The following MYCBP2 variants were observed in gnomAD, a reference collection of about 807,000 sequenced individuals.
The protein encoded by MYCBP2 is E3 ubiquitin-protein ligase MYCBP2.
Under a neutral mutation model 525.3 loss-of-function variants are expected in MYCBP2, and 120 were observed. The ratio of observed to expected loss-of-function variants is 0.23; its 90% CI spans 0.20 to 0.27. The LOEUF is 0.27. Among genes scored for constraint, MYCBP2 ranks in the 10% least tolerant of loss-of-function variants. MYCBP2 has a pLI of 1.00. For synonymous variants in MYCBP2, 1,894 were observed against 1,955.8 expected (o/e 0.97, Z 0.83); for missense variants, 4,149 against 5,657.1 (o/e 0.73, Z 8.55).
chr13:77,318,945 T>A (rs1367350903), intron 1 of MYCBP2, among the ~76,000 whole-genome samples: 2 of 152,132 alleles, frequency 1.3e-5, no homozygotes, highest in East Asian at 3.9e-4. Context: ...AAATATGACA[T>A]CATCAAAAGA....
At chr13:77,080,384 T>A (rs1566429743) in intron 65 of MYCBP2, 1 of 152,102 alleles carries the variant, frequency 6.6e-6, no homozygotes. Context: ...TAATACTGTA[T>A]CTGCTAGCAA....
intron 65 of MYCBP2, 58 bp from the exon 66 acceptor site, chr13:77,078,947 T>C (rs2042816898): frequency 1.4e-6 from 2 of 1,398,068 alleles, no homozygotes; most frequent in Non-Finnish European, 2.0e-6. Context: ...GAACTTACAA[T>C]GGTTTCTCAT....
chr13:77,168,373 C>G, intron 40 of MYCBP2, 55 bp downstream of exon 40: 1 of 1,456,258 alleles, frequency 6.9e-7, no homozygotes, highest in Non-Finnish European at 9.6e-7. Context: ...AAGATATCAT[C>G]AGAGAACCTC....
At chr13:77,088,260 A>AT (rs1163037395) in intron 61 of MYCBP2, among the ~76,000 whole-genome samples, 2 of 152,134 alleles carry the variant, frequency 1.3e-5, no homozygotes, top group Non-Finnish European at 2.9e-5. Context: ...ATTCAAGCAC[A>AT]TTTTTTCCAA....
intron 2 of MYCBP2, among the ~76,000 whole-genome samples, chr13:77,294,968 C>T (rs142651122): frequency 5.9e-4 from 90 of 152,114 alleles, no homozygotes; most frequent in African/African-American, 2.0e-3. Context: ...GCAGGTAAAC[C>T]GAAAATCCTA....
chr13:77,180,132 A>G lies in MYCBP2; in HGVS notation c.5128T>C (p.Ser1710Pro). ...GTCAAAATATAATGTATTACCTCAG[A>G]TCCCAGGGCTGACGCTGTCAGTTCA... ...VSELTASALGSEVDGLNSLHS... is the reference protein window; with the variant it reads ...VSELTASALGPEVDGLNSLHS... The change falls in exon 34 of 83, where the codon TCT becomes CCT. Residue 1710 changes from serine to proline, a missense_variant. Coordinates refer to ENST00000544440, the MANE Select transcript of MYCBP2 (RefSeq NM_015057.5). 1 of 1,612,284 alleles carries G rather than the reference A, an allele frequency of 6.2e-7. No homozygotes were observed. Among genetic ancestry groups the G allele is most frequent in the Non-Finnish European group, 8.5e-7 (1 of 1,179,064 alleles).
chr13:77,319,995 A>C (rs1407362202), intron 1 of MYCBP2, among the ~76,000 whole-genome samples: 1 of 152,206 alleles, frequency 6.6e-6, no homozygotes, highest in African/African-American at 2.4e-5. Context: ...TGAAAGACGT[A>C]AGACTGAACA....
intron 43 of MYCBP2, 66 bp downstream of exon 43, chr13:77,164,388 C>T: frequency 9.4e-7 from 1 of 1,067,282 alleles, no homozygotes; most frequent in South Asian, 1.4e-5. Flanking sequence ...ATTTTTGGCC[C>T]TTTTATAATA....
chr13:77,121,813 G>C (rs965059841), intron 54 of MYCBP2, among the ~76,000 whole-genome samples: 1 of 151,914 alleles, frequency 6.6e-6, no homozygotes, highest in Non-Finnish European at 1.5e-5. Flanking sequence ...CTTTGTATTT[G>C]CAACAAATTT....
chr13:77,181,591 G>A (rs886938985), intron 33 of MYCBP2, 110 bp downstream of exon 33: 26 of 663,544 alleles, frequency 3.9e-5, no homozygotes, highest in African/African-American at 7.4e-5. Context: ...AGCTAAATAC[G>A]CTTAGCTTGG....
chr13:77,317,871 A>C (rs1389307873), intron 1 of MYCBP2, among the ~76,000 whole-genome samples: 1 of 152,124 alleles, frequency 6.6e-6, no homozygotes, highest in African/African-American at 2.4e-5. Context: ...CGGGAGGCGG[A>C]GGTTGCAGTC....
chr13:77,151,648 T>C (rs1007870253), intron 46 of MYCBP2, among the ~76,000 whole-genome samples: 3 of 152,206 alleles, frequency 2.0e-5, no homozygotes, highest in African/African-American at 7.2e-5. Context: ...GTTAATATAC[T>C]GAAAATACAA....
chr13:77,081,362 G>T lies in MYCBP2; in HGVS notation c.11418+65C>A. The T allele has an allele frequency of 7.5e-7, 1 of 1,341,878 alleles. No individual in the cohort carries two copies. The highest frequency in any genetic ancestry group is 1.3e-5 in the South Asian group (1 of 75,644). 83.1% of individuals were successfully genotyped at this position (1,341,878 alleles called of 1,614,324 possible). A position where few individuals can be genotyped will look rare whatever the true frequency, so the allele number is the denominator to read the frequency against. Reference sequence around the variant, plus strand: ...AAAGCTTGTTGCTAAATTCAGAAATGAAAGTGCATGAATACTAAGATCTGA... The same window carrying T: ...AAAGCTTGTTGCTAAATTCAGAAATTAAAGTGCATGAATACTAAGATCTGA... On this transcript the variant is annotated intron_variant, in intron 65 of 82. Transcript: ENST00000544440. The surrounding 1 kb of genome is among the most constrained non-coding windows in gnomAD (Gnocchi z 4.6).
intron 47 of MYCBP2, among the ~76,000 whole-genome samples, chr13:77,148,952 C>T (rs1451896688): frequency 6.6e-6 from 1 of 152,106 alleles, no homozygotes; most frequent in African/African-American, 2.4e-5. Flanking sequence ...CACTACTCCT[C>T]CTCCTATTTA....
chr13:77,193,103 T>C (rs2061441327), intron 27 of MYCBP2, among the ~76,000 whole-genome samples: 2 of 152,094 alleles, frequency 1.3e-5, no homozygotes, highest in African/African-American at 4.8e-5. Context: ...CACTCCAGCC[T>C]AGGTGATGGA....
chr13:77,064,680 T>C lies in MYCBP2; in HGVS notation c.12607A>G (p.Ile4203Val). The C allele has an allele frequency of 3.7e-6, 6 of 1,613,906 alleles. No individual in the cohort carries two copies. The highest frequency in any genetic ancestry group is 3.3e-4 in the Middle Eastern group (2 of 6,058). The change falls in exon 73 of 83, where the codon ATC becomes GTC. Residue 4203 changes from isoleucine to valine, a missense_variant. Physicochemically the swap from Ile to Val is conservative, Grantham distance 29. Coordinates refer to ENST00000544440, the MANE Select transcript of MYCBP2 (RefSeq NM_015057.5). ...TCTTCCATCTTGGTCAAGGCAATGA[T>C]GGTTTCTGCAATAGCATTTTTTGTC... ...RVTKNAIAET[I>V]IALTKMEEEF...
Position 77,058,185 on chromosome 13 carries a change from G to T in MYCBP2, c.13329+33C>A, listed in dbSNP as rs2038547131. 1 of 1,601,582 alleles carries T rather than the reference G, an allele frequency of 6.2e-7. No homozygotes were observed. Among genetic ancestry groups the T allele is most frequent in the African/African-American group, 1.3e-5 (1 of 74,428 alleles). On this transcript the variant is annotated intron_variant, in intron 78 of 82. Transcript: ENST00000544440. The surrounding 1 kb of genome is among the most constrained non-coding windows in gnomAD (Gnocchi z 4.1). ...AAATATATTCCCCATCTTAATGTCT[G>T]GATACATTCAATACTTTAAAAGCTG...
intron 17 of MYCBP2, among the ~76,000 whole-genome samples, chr13:77,236,384 C>T (rs920482411): frequency 7.9e-5 from 12 of 151,798 alleles, no homozygotes; most frequent in African/African-American, 2.9e-4. Flanking sequence ...GAATAAGTGG[C>T]AGTGTTAAAT....
At chr13:77,177,502 C>T (rs1352728864) in intron 35 of MYCBP2, among the ~76,000 whole-genome samples, 8 of 151,604 alleles carry the variant, frequency 5.3e-5, no homozygotes, top group African/African-American at 1.5e-4. Context: ...TTGTATTTTT[C>T]GTAGAGATAG....
Sources: gnomAD v4.1 joint callset for allele counts (sites outside exome capture counted in the v4.1 genomes callset) on GRCh38, gnomAD v4.1.1 for gene constraint, Gnocchi (gnomAD v3.1) non-coding constraint, MANE v1.5 for transcripts, NCBI Gene and HGNC (gene_info 2026-07-23, HGNC 2026-07-21) for gene names.